The following DIP2B variants were observed in gnomAD, a reference collection of about 807,000 sequenced individuals.
DIP2B encodes the protein disco-interacting protein 2 homolog B.
In DIP2B, 76 loss-of-function variants were observed where a neutral mutation model predicts 198.0. That is an observed-to-expected ratio of 0.38 (90% confidence interval 0.32 to 0.46). DIP2B has a LOEUF of 0.46. DIP2B is among the 20% of genes least tolerant of loss of function. The pLI, the probability that DIP2B is intolerant of heterozygous loss-of-function variation, is 0.99. For synonymous variants in DIP2B, 701 were observed against 739.1 expected (o/e 0.95, Z 0.84); for missense variants, 1,559 against 1,978.4 (o/e 0.79, Z 4.02).
At chr12:50,705,843 G>A (rs992510246) in intron 20 of DIP2B, among the ~76,000 whole-genome samples, 16 of 152,220 alleles carry the variant, frequency 1.1e-4, no homozygotes, top group African/African-American at 2.9e-4. Context: ...TGACATTCAC[G>A]TGGAAATAAC....
At chr12:50,641,178 GA>G (rs1239532399) in intron 3 of DIP2B, among the ~76,000 whole-genome samples, 1 of 152,130 alleles carries the variant, frequency 6.6e-6, no homozygotes, top group African/African-American at 2.4e-5. Context: ...CCAACATGGT[GA>G]AACCTCGTCT....
At chr12:50,643,423 G>T (rs1938295536) in intron 3 of DIP2B, among the ~76,000 whole-genome samples, 1 of 150,578 alleles carries the variant, frequency 6.6e-6, no homozygotes, top group African/African-American at 2.5e-5. Flanking sequence ...GTGTGTGTGT[G>T]TGTGTGTGTG....
intron 20 of DIP2B, among the ~76,000 whole-genome samples, chr12:50,705,790 G>T (rs1939503553): frequency 1.3e-5 from 2 of 152,226 alleles, no homozygotes; most frequent in African/African-American, 2.4e-5. Context: ...ACATGGCCCA[G>T]TCACTGTGTA....
chr12:50,717,541 G>T (rs954108535), intron 23 of DIP2B, among the ~76,000 whole-genome samples: 2 of 151,398 alleles, frequency 1.3e-5, no homozygotes, highest in Non-Finnish European at 2.9e-5. Flanking sequence ...AATTTTTTTT[G>T]TATTTTTAGT....
intron 6 of DIP2B, among the ~76,000 whole-genome samples, chr12:50,675,090 A>T (rs1477161812): frequency 6.6e-6 from 1 of 152,168 alleles, no homozygotes; most frequent in East Asian, 1.9e-4. Flanking sequence ...ACTCCATCTC[A>T]AAAAAAGAAT....
intron 8 of DIP2B, chr12:50,679,230 T>C (rs540546990): frequency 4.3e-5 from 9 of 209,670 alleles, no homozygotes; most frequent in African/African-American, 2.1e-4. Flanking sequence ...TAAATCTTTA[T>C]TCCATCCTGC....
chr12:50,524,699 G>A (rs74239936), intron 1 of DIP2B, among the ~76,000 whole-genome samples: 10,984 of 152,296 alleles, frequency 0.072, 856 homozygotes, highest in East Asian at 0.38. Context: ...ATCTGTAGCT[G>A]TAGACAGAGA....
At chr12:50,557,218 T>C (rs866558128) in intron 1 of DIP2B, among the ~76,000 whole-genome samples, 5 of 152,338 alleles carry the variant, frequency 3.3e-5, no homozygotes, top group African/African-American at 1.2e-4. Flanking sequence ...CTTCCTACTT[T>C]ATAGGACTTG....
intron 1 of DIP2B, among the ~76,000 whole-genome samples, chr12:50,539,584 C>G (rs1353865785): frequency 1.4e-5 from 2 of 148,136 alleles, no homozygotes; most frequent in African/African-American, 5.0e-5. Flanking sequence ...CCATTGCGCT[C>G]CAGCCTGGGC....
rs1233068655 is a variant in DIP2B, at chr12:50,695,319, C to T, written c.1772C>T (p.Thr591Ile). Residue 591 changes from threonine (T) to isoleucine (I), a missense_variant, in exon 15 of 38, where the codon ACC (threonine) becomes ATC (isoleucine). Physicochemically the swap from Thr to Ile is moderately conservative, Grantham distance 89. Coordinates refer to ENST00000301180, the MANE Select transcript of DIP2B (RefSeq NM_173602.3). ...TISVPYSVMKTCPLSWVQRVH... is the reference protein window; with the variant it reads ...TISVPYSVMKICPLSWVQRVH... ...AGCGTACCCTACTCTGTTATGAAAACCTGTCCTCTCTCTTGGGTCCAAAGA... is the reference window on the plus strand; with the variant it reads ...AGCGTACCCTACTCTGTTATGAAAATCTGTCCTCTCTCTTGGGTCCAAAGA... The T allele has an allele frequency of 6.2e-7, 1 of 1,613,954 alleles. No homozygotes were observed. The highest frequency in any genetic ancestry group is 1.3e-5 in the African/African-American group (1 of 74,908).
At position 50,744,921 on chromosome 12, in the gene DIP2B, A is replaced by T; in HGVS notation, c.*82A>T. ...TCTGGCTAAGAGCAGGCTTCAAACG[A>T]TGTGAAATAAGCTGAGATGGCTACA... On this transcript the variant is annotated 3_prime_UTR_variant, in exon 38 of 38. Coordinates refer to ENST00000301180, the MANE Select transcript of DIP2B (RefSeq NM_173602.3). 1 of 1,510,548 alleles carries T rather than the reference A, an allele frequency of 6.6e-7. No individual in the cohort carries two copies. The highest frequency in any genetic ancestry group is 1.2e-5 in the South Asian group (1 of 80,722). The allele number at this position is 1,510,548 out of a possible 1,614,324, so 93.6% of individuals were successfully genotyped here.
intron 3 of DIP2B, among the ~76,000 whole-genome samples, chr12:50,659,156 T>C (rs796176873): frequency 2.6e-5 from 4 of 152,224 alleles, no homozygotes; most frequent in African/African-American, 9.6e-5. Flanking sequence ...AAATCAACAT[T>C]TGAAAAACCC....
intron 1 of DIP2B, among the ~76,000 whole-genome samples, chr12:50,522,639 T>G (rs1301948625): frequency 6.6e-6 from 1 of 152,230 alleles, no homozygotes; most frequent in Non-Finnish European, 1.5e-5. Flanking sequence ...TTTTTGTTTT[T>G]CTTTTCAGCC....
intron 23 of DIP2B, among the ~76,000 whole-genome samples, chr12:50,716,637 T>C (rs1939722665): frequency 6.6e-6 from 1 of 152,226 alleles, no homozygotes; most frequent in African/African-American, 2.4e-5. Context: ...AAATTGATTA[T>C]ATGATTTAAG....
At chr12:50,710,830 T>C (rs146711706) in intron 22 of DIP2B, among the ~76,000 whole-genome samples, 2 of 152,174 alleles carry the variant, frequency 1.3e-5, no homozygotes, top group Non-Finnish European at 2.9e-5. Flanking sequence ...AAAGAAAATA[T>C]ATTGAAGATA....
At chr12:50,579,274 A>T (rs1958692630) in intron 1 of DIP2B, among the ~76,000 whole-genome samples, 1 of 152,148 alleles carries the variant, frequency 6.6e-6, no homozygotes, top group South Asian at 2.1e-4. Context: ...ATTATAAGTT[A>T]CAGTGAACTG....
chr12:50,687,530 A>G (rs1939152821), intron 12 of DIP2B, among the ~76,000 whole-genome samples: 2 of 152,194 alleles, frequency 1.3e-5, no homozygotes, highest in South Asian at 4.1e-4. Context: ...GAGAACTTCA[A>G]AAAATTTTGG....
At chr12:50,622,715 G>A (rs888140893) in intron 1 of DIP2B, among the ~76,000 whole-genome samples, 9 of 152,114 alleles carry the variant, frequency 5.9e-5, no homozygotes, top group Non-Finnish European at 1.0e-4. Flanking sequence ...GTGTTCAAGC[G>A]ATTCTCCTGC....
At chr12:50,558,409 G>A (rs1202352919) in intron 1 of DIP2B, among the ~76,000 whole-genome samples, 1 of 152,168 alleles carries the variant, frequency 6.6e-6, no homozygotes, top group African/African-American at 2.4e-5. Flanking sequence ...GGTAATAATT[G>A]AGAATCATAT....
Sources: gnomAD v4.1 joint callset for allele counts (sites outside exome capture counted in the v4.1 genomes callset) on GRCh38, gnomAD v4.1.1 for gene constraint, MANE v1.5 for transcripts, NCBI Gene and HGNC (gene_info 2026-07-23, HGNC 2026-07-21) for gene names.